Variants in PDE7B observed in about 807,000 individuals in gnomAD.
PDE7B encodes 3',5'-cyclic-AMP phosphodiesterase 7B.
PDE7B carries 29 observed loss-of-function variants against 56.2 expected under a neutral mutation model. That is an observed-to-expected ratio of 0.52 (90% CI 0.38 to 0.70). The LOEUF (loss-of-function observed/expected upper bound fraction) is 0.70, where lower values mean the gene tolerates loss of function less well. PDE7B is among the 30% of genes least tolerant of loss of function. The pLI is 0.00. For synonymous variants in PDE7B, 197 were observed against 196.9 expected (o/e 1.00, Z 0.00); for missense variants, 490 against 565.0 (o/e 0.87, Z 1.35).
chr6:136,147,133 C>A lies in PDE7B; in HGVS notation c.167-218C>A, dbSNP rs185129711. Among the ~76,000 whole-genome samples, 8 of 149,912 alleles carry A rather than the reference C, an allele frequency of 5.3e-5. 1 individual carries two copies. The East Asian group carries it at 1.6e-3, about 29-fold the overall frequency. Reference sequence around the variant, plus strand: ...CTCCAGACTGGATGACAGTGTGAGACCCAGTCTCAAAAAATAAATAAGTAA... The same window carrying A: ...CTCCAGACTGGATGACAGTGTGAGAACCAGTCTCAAAAAATAAATAAGTAA... On this transcript the variant is annotated intron_variant, in intron 3 of 12. Coordinates refer to ENST00000308191, the MANE Select transcript of PDE7B (RefSeq NM_018945.4).
intron 2 of PDE7B, among the ~76,000 whole-genome samples, chr6:135,954,537 G>T (rs376613314): frequency 1.3e-5 from 2 of 152,196 alleles, no homozygotes; most frequent in East Asian, 3.8e-4. Flanking sequence ...CTAAGAGGAA[G>T]ATTAACATGC....
intron 2 of PDE7B, among the ~76,000 whole-genome samples, chr6:136,047,665 C>G (rs1776538415): frequency 6.6e-6 from 1 of 152,138 alleles, no homozygotes; most frequent in Non-Finnish European, 1.5e-5. Context: ...TTATGCTAAA[C>G]AGTAAGCATC....
At chr6:136,048,669 G>A (rs1225666123) in intron 2 of PDE7B, among the ~76,000 whole-genome samples, 1 of 152,176 alleles carries the variant, frequency 6.6e-6, no homozygotes, top group Non-Finnish European at 1.5e-5. Context: ...ATTTTAGTGG[G>A]AAGTGATATG....
chr6:136,108,618 G>A, intron 2 of PDE7B, 113 bp from the exon 3 acceptor site: 2 of 753,190 alleles, frequency 2.7e-6, no homozygotes, highest in African/African-American at 1.7e-5. Context: ...TATGGTGAAT[G>A]GGAACCATTT....
chr6:136,154,759 G>A (rs1272351144), intron 7 of PDE7B, among the ~76,000 whole-genome samples: 4 of 152,192 alleles, frequency 2.6e-5, no homozygotes, highest in Admixed American at 2.0e-4. Flanking sequence ...TCAACATTCA[G>A]GCAGTCCTTA....
chr6:136,031,506 G>A (rs935008386), intron 2 of PDE7B, among the ~76,000 whole-genome samples: 2 of 152,050 alleles, frequency 1.3e-5, no homozygotes, highest in Non-Finnish European at 2.9e-5. Context: ...TTGGGAGGCC[G>A]AGGCGGGCGG....
chr6:135,881,985 G>A (rs2128188871), intron 1 of PDE7B, among the ~76,000 whole-genome samples: 1 of 152,246 alleles, frequency 6.6e-6, no homozygotes, highest in Non-Finnish European at 1.5e-5. Context: ...ACTGGGTTGA[G>A]GTGTAGTCTT....
chr6:136,154,156 G>A lies in PDE7B; in HGVS notation c.560G>A (p.Cys187Tyr). Residue 187 changes from cysteine (C) to tyrosine (Y), a missense_variant, in exon 7 of 13, where the codon TGC becomes TAC. Physicochemically the swap from Cys to Tyr is radical, Grantham distance 194. Transcript: ENST00000308191. ...HAADVTQAMH[C>Y]YLKEPKLASF... ...GCCGACGTCACCCAGGCCATGCACT[G>A]CTACCTGAAAGAGCCAAAGGTAAGA... The A allele has an allele frequency of 6.2e-7, 1 of 1,612,740 alleles. No individual in the cohort carries two copies. The highest frequency in any genetic ancestry group is 1.1e-5 in the South Asian group (1 of 91,026).
At chr6:136,182,941 C>G (rs561043125) in intron 11 of PDE7B, among the ~76,000 whole-genome samples, 2 of 151,902 alleles carry the variant, frequency 1.3e-5, no homozygotes, top group Non-Finnish European at 2.9e-5. Context: ...GGCGTGGCGG[C>G]ACAACCTGTA....
At chr6:136,138,069 T>C (rs1317076554) in intron 3 of PDE7B, among the ~76,000 whole-genome samples, 1 of 152,062 alleles carries the variant, frequency 6.6e-6, no homozygotes, top group African/African-American at 2.4e-5. Context: ...TAACTGTAAA[T>C]GCCTTTAAGT....
intron 11 of PDE7B, among the ~76,000 whole-genome samples, chr6:136,183,205 TCTGGCATGTTTC>T (rs1779094902): frequency 1.3e-5 from 2 of 152,018 alleles, no homozygotes; most frequent in Admixed American, 1.3e-4. Flanking sequence ...TGTACCTTCC[TCTGGCATGTTTC>T]CTGGCAGAGG....
intron 2 of PDE7B, among the ~76,000 whole-genome samples, chr6:136,057,550 AC>A (rs1207626204): frequency 6.6e-6 from 1 of 152,360 alleles, no homozygotes; most frequent in East Asian, 1.9e-4. Context: ...TTTTGTACAC[AC>A]AATGTTGAAT....
intron 2 of PDE7B, among the ~76,000 whole-genome samples, chr6:136,084,468 A>C (rs1323156921): frequency 6.6e-6 from 1 of 152,190 alleles, no homozygotes; most frequent in Non-Finnish European, 1.5e-5. Flanking sequence ...AGGGAAGGGA[A>C]ATTTTACACA....
intron 2 of PDE7B, among the ~76,000 whole-genome samples, chr6:136,076,517 G>C (rs111726519): frequency 3.6e-4 from 55 of 152,168 alleles, no homozygotes; most frequent in African/African-American, 1.3e-3. Context: ...AACTTAGAAA[G>C]CCTCAGGAAT....
At chr6:136,127,243 A>C (rs1452552095) in intron 3 of PDE7B, among the ~76,000 whole-genome samples, 5 of 152,096 alleles carry the variant, frequency 3.3e-5, no homozygotes, top group Non-Finnish European at 5.9e-5. Context: ...CCTTCCATTA[A>C]ATTCTGTTCT....
At chr6:136,145,715 G>A (rs145122035) in intron 3 of PDE7B, among the ~76,000 whole-genome samples, 98 of 152,146 alleles carry the variant, frequency 6.4e-4, no homozygotes, top group African/African-American at 2.3e-3. Flanking sequence ...TGCTCTCTTG[G>A]CTTTCCTCTG....
intron 9 of PDE7B, among the ~76,000 whole-genome samples, chr6:136,175,150 A>G (rs1382880528): frequency 6.6e-6 from 1 of 152,188 alleles, no homozygotes; most frequent in African/African-American, 2.4e-5. Flanking sequence ...TTTCACATCT[A>G]TGGATTCCAA....
intron 2 of PDE7B, among the ~76,000 whole-genome samples, chr6:135,981,531 T>C (rs191347858): frequency 6.6e-6 from 1 of 150,660 alleles, no homozygotes; most frequent in Admixed American, 6.6e-5. Context: ...TTACTACTTT[T>C]CAATTTCAAA....
rs1231275149 is a variant in PDE7B at position 135,952,878 on chromosome 6, CTT to C, written c.82+5357_82+5358del. 1.9e-4 allele frequency among the ~76,000 whole-genome samples: 29 copies of C among 152,208 alleles called. No individual in the cohort carries two copies. The East Asian group carries it at 3.7e-3, about 19-fold the overall frequency. The stretch of plus-strand genomic sequence containing the variant: ...ACCAGATAAAAGAGAGTTCTGGTCT[CTT>C]TTATTTAGTTAGAGAGTCTTTTCGA... On this transcript the variant is annotated intron_variant, in intron 2 of 12. Coordinates refer to ENST00000308191, the MANE Select transcript of PDE7B (RefSeq NM_018945.4).
Sources: gnomAD v4.1 joint callset for allele counts (sites outside exome capture counted in the v4.1 genomes callset) on GRCh38, gnomAD v4.1.1 for gene constraint, MANE v1.5 for transcripts, NCBI Gene and HGNC (gene_info 2026-07-23, HGNC 2026-07-21) for gene names.